Variants in PRKAR1B observed in about 807,000 individuals in gnomAD.
PRKAR1B encodes the protein protein kinase cAMP-dependent type I regulatory subunit beta, also known as cAMP-dependent protein kinase type I-beta regulatory subunit.
PRKAR1B carries 22 observed loss-of-function variants against 46.5 expected under a neutral mutation model. The ratio of observed to expected loss-of-function variants is 0.47; its 90% CI spans 0.34 to 0.68. PRKAR1B has a LOEUF of 0.68. Ranked by LOEUF, PRKAR1B falls within the 30% of genes least tolerant of loss-of-function variation. PRKAR1B has a pLI of 0.01. For synonymous variants in PRKAR1B, 259 were observed against 217.7 expected, an observed-to-expected ratio of 1.19 and a Z score of -1.67; for missense variants, 445 against 535.6, an observed-to-expected ratio of 0.83 and a Z score of 1.67.
intron 1 of PRKAR1B, among the ~76,000 whole-genome samples, chr7:723,390 C>A (rs567563749): frequency 2.6e-5 from 4 of 152,270 alleles, no homozygotes; most frequent in African/African-American, 9.6e-5. Context: ...ACAGGCTTCC[C>A]TGGGGACTAG....
At chr7:684,163 C>A (rs1778871312) in intron 2 of PRKAR1B, among the ~76,000 whole-genome samples, 1 of 152,092 alleles carries the variant, frequency 6.6e-6, no homozygotes, top group Non-Finnish European at 1.5e-5. Flanking sequence ...CCAATGCCCA[C>A]CTCCATGTGC....
At chr7:694,450 G>A (rs1779613548) in intron 2 of PRKAR1B, among the ~76,000 whole-genome samples, 1 of 152,134 alleles carries the variant, frequency 6.6e-6, no homozygotes, top group Non-Finnish European at 1.5e-5. Flanking sequence ...CAACCCCAAA[G>A]AGACTAGCCT....
At chr7:654,979 G>C (rs1364017283) in intron 4 of PRKAR1B, among the ~76,000 whole-genome samples, 2 of 152,206 alleles carry the variant, frequency 1.3e-5, no homozygotes, top group Non-Finnish European at 2.9e-5. Context: ...TCTCAGGCTA[G>C]ACAGGGCCCC....
At position 720,200 on chromosome 7, in the gene PRKAR1B, G is replaced by T. The variant is rs540007605; in HGVS notation, c.-23+7010C>A. ...GCCTCCAGAGTAGCTGGGATTACAG[G>T]TGCGTGCCACCACACCCAGCTAATT... On this transcript the variant is annotated intron_variant, in intron 1 of 10. Coordinates refer to ENST00000537384, the MANE Select transcript of PRKAR1B (RefSeq NM_001164760.2). 2.6e-5 allele frequency among the ~76,000 whole-genome samples: 4 copies of T among 152,140 alleles called. No homozygotes were observed. The South Asian group carries it at 8.3e-4, about 32-fold the overall frequency.
chr7:654,137 C>A (rs1390396837), intron 4 of PRKAR1B, among the ~76,000 whole-genome samples: 1 of 151,848 alleles, frequency 6.6e-6, no homozygotes, highest in Non-Finnish European at 1.5e-5. Context: ...TCACCATCAT[C>A]ACCATCATTT....
chr7:610,689 T>C (rs1782431514), intron 4 of PRKAR1B, among the ~76,000 whole-genome samples: 1 of 152,218 alleles, frequency 6.6e-6, no homozygotes, highest in Non-Finnish European at 1.5e-5. Context: ...CTTTTTCCAC[T>C]GTCTGCCCCT....
chr7:679,071 A>G (rs1778508179), intron 3 of PRKAR1B, among the ~76,000 whole-genome samples: 1 of 152,236 alleles, frequency 6.6e-6, no homozygotes. Flanking sequence ...CTGGACAACA[A>G]GAGTGAAACT....
At chr7:698,189 G>C (rs1454017857) in intron 2 of PRKAR1B, among the ~76,000 whole-genome samples, 1 of 152,006 alleles carries the variant, frequency 6.6e-6, no homozygotes, top group Non-Finnish European at 1.5e-5. Flanking sequence ...TGGATCACCT[G>C]ATGCCAGGAG....
intron 4 of PRKAR1B, among the ~76,000 whole-genome samples, chr7:656,934 T>C (rs544311953): frequency 2.0e-4 from 30 of 151,904 alleles, no homozygotes; most frequent in Non-Finnish European, 3.7e-4. Context: ...AATGAATGAA[T>C]GAGTGAACGA....
At chr7:590,125 G>A (rs566641457) in intron 7 of PRKAR1B, among the ~76,000 whole-genome samples, 13 of 152,242 alleles carry the variant, frequency 8.5e-5, no homozygotes, top group Non-Finnish European at 1.8e-4. Flanking sequence ...GACAGAGGGG[G>A]CTCTGGCACT....
At chr7:634,360 C>G (rs1423289645) in intron 4 of PRKAR1B, among the ~76,000 whole-genome samples, 3 of 151,820 alleles carry the variant, frequency 2.0e-5, no homozygotes, top group African/African-American at 7.2e-5. Context: ...GGTGCAGTGG[C>G]TCAGCTACTC....
intron 9 of PRKAR1B, among the ~76,000 whole-genome samples, chr7:552,661 C>T (rs1237793611): frequency 2.0e-5 from 3 of 150,186 alleles, no homozygotes; most frequent in African/African-American, 7.3e-5. Context: ...CACAGCTCCT[C>T]GAAATGGAAC....
chr7:685,620 T>C (rs1208886975), intron 2 of PRKAR1B, among the ~76,000 whole-genome samples: 1 of 151,386 alleles, frequency 6.6e-6, no homozygotes, highest in Non-Finnish European at 1.5e-5. Flanking sequence ...AAAGCTCCCA[T>C]AGAGAAAAGT....
At position 709,403 on chromosome 7, in the gene PRKAR1B, C is replaced by T. The variant is rs1359748867; in HGVS notation, c.177+1926G>A. On this transcript the variant is annotated intron_variant, in intron 2 of 10. Transcript: ENST00000537384. ...TTTTTTTTTTTTTGAGACGGAGTCT[C>T]GCTGTCGCCCAGGCTAGAGTGCAGT... 6.5e-5 allele frequency among the ~76,000 whole-genome samples: 9 copies of T among 139,174 alleles called. No homozygotes were observed. The South Asian group carries it at 6.7e-4, about 10-fold the overall frequency. The allele number at this position is 139,174 out of a possible 152,430, so 91.3% of individuals were successfully genotyped here. A position where few individuals can be genotyped will look rare whatever the true frequency, so the allele number is the denominator to read the frequency against.
chr7:695,187 G>A (rs1366513311), intron 2 of PRKAR1B, among the ~76,000 whole-genome samples: 1 of 152,144 alleles, frequency 6.6e-6, no homozygotes, highest in Non-Finnish European at 1.5e-5. Flanking sequence ...CTCTGTGATC[G>A]GCAGGTGCAG....
intron 9 of PRKAR1B, among the ~76,000 whole-genome samples, chr7:561,713 G>A (rs920246253): frequency 4.6e-5 from 7 of 152,222 alleles, no homozygotes; most frequent in Non-Finnish European, 8.8e-5. Flanking sequence ...CGGGCGAGCC[G>A]CCCAAGGTCA....
At chr7:659,297 A>C (rs1264465637) in intron 4 of PRKAR1B, among the ~76,000 whole-genome samples, 6 of 152,236 alleles carry the variant, frequency 3.9e-5, no homozygotes, top group Non-Finnish European at 8.8e-5. Context: ...TTGCGCATGC[A>C]GTATCTTCAA....
intron 4 of PRKAR1B, among the ~76,000 whole-genome samples, chr7:614,677 C>T (rs1017891331): frequency 2.0e-5 from 3 of 152,086 alleles, no homozygotes; most frequent in South Asian, 2.1e-4. Context: ...TTTGGGAGGC[C>T]GAAGCAGGCA....
At chr7:570,160 C>A (rs1035495253) in intron 9 of PRKAR1B, among the ~76,000 whole-genome samples, 1 of 152,212 alleles carries the variant, frequency 6.6e-6, no homozygotes, top group African/African-American at 2.4e-5. Flanking sequence ...CCCTGACCCG[C>A]GAGAGGAGGG....
Sources: gnomAD v4.1 joint callset for allele counts (sites outside exome capture counted in the v4.1 genomes callset) on GRCh38, gnomAD v4.1.1 for gene constraint, MANE v1.5 for transcripts, NCBI Gene and HGNC (gene_info 2026-07-23, HGNC 2026-07-21) for gene names.